MYO5A: variants seen among roughly 807,000 people sequenced by gnomAD.
MYO5A encodes the protein myosin VA.
A neutral mutation model predicts 249.7 loss-of-function variants in MYO5A; 98 were observed. That is an observed-to-expected ratio of 0.39 (90% CI 0.33 to 0.46). MYO5A has a LOEUF of 0.46. MYO5A is among the 20% of genes least tolerant of loss of function. The pLI is 0.98. For synonymous variants in MYO5A, 778 were observed against 810.6 expected, an observed-to-expected ratio of 0.96 and a Z score of 0.68; for missense variants, 1,696 against 2,308.8, an observed-to-expected ratio of 0.73 and a Z score of 5.44.
Position 52,327,992 on chromosome 15 carries a change from C to T in MYO5A, c.4570G>A (p.Gly1524Ser). Reference protein sequence around the residue: ...KNLILELKPRGVAVNLIPGLP... With the variant: ...KNLILELKPRSVAVNLIPGLP... The stretch of plus-strand genomic sequence containing the variant: ...CCTGGAATCAAATTGACTGCTACAC[C>T]ACGTGGCTTCAGTTCTAAAAAAGAA... Residue 1524 changes from glycine to serine, a missense_variant, in exon 36 of 42, where the codon GGT (glycine) becomes AGT (serine). Gly to Ser is a moderately conservative substitution (Grantham distance 56, BLOSUM62 0). Transcript: ENST00000399233. 6.2e-7 allele frequency: 1 copy of T among 1,613,206 alleles called. No homozygotes were observed. The highest frequency in any genetic ancestry group is 8.5e-7 in the Non-Finnish European group (1 of 1,179,454).
At chr15:52,418,134 T>C (rs1286445336) in intron 4 of MYO5A, among the ~76,000 whole-genome samples, 1 of 152,080 alleles carries the variant, frequency 6.6e-6, no homozygotes, top group Non-Finnish European at 1.5e-5. Flanking sequence ...AATCAGAAGT[T>C]TGGAAAGAGC....
At chr15:52,365,632 G>A (rs2040768236) in intron 23 of MYO5A, among the ~76,000 whole-genome samples, 1 of 152,226 alleles carries the variant, frequency 6.6e-6, no homozygotes, top group Non-Finnish European at 1.5e-5. Context: ...AGGGCTACAA[G>A]TGTCTTGTCA....
At chr15:52,478,028 G>T (rs1278037736) in intron 1 of MYO5A, among the ~76,000 whole-genome samples, 2 of 152,246 alleles carry the variant, frequency 1.3e-5, no homozygotes, top group African/African-American at 4.8e-5. Flanking sequence ...TACAGTGGCA[G>T]GCAGGCCTCC....
chr15:52,464,991 G>A lies in MYO5A; in HGVS notation c.28-31706C>T, dbSNP rs72623983. ...TATTAGGCAAATAGAGACTGTATTGGCCACACTGGGAGTCAGCTTTACCTA... is the reference window on the plus strand; with the variant it reads ...TATTAGGCAAATAGAGACTGTATTGACCACACTGGGAGTCAGCTTTACCTA... On this transcript the variant is annotated intron_variant, in intron 1 of 41. Transcript: ENST00000399233. Among the ~76,000 whole-genome samples, 398 of 152,272 alleles carry A rather than the reference G, an allele frequency of 2.6e-3. 9 individuals carry two copies. The East Asian group carries it at 0.069, about 26-fold the overall frequency.
intron 37 of MYO5A, among the ~76,000 whole-genome samples, chr15:52,321,950 C>T (rs914577051): frequency 6.6e-6 from 1 of 152,090 alleles, no homozygotes; most frequent in African/African-American, 2.4e-5. Context: ...TTGAAATAGA[C>T]CGATTTCTAC....
intron 24 of MYO5A, among the ~76,000 whole-genome samples, chr15:52,362,033 C>CT (rs35444663): frequency 0.066 from 10,090 of 152,256 alleles, 962 homozygotes; most frequent in East Asian, 0.47. Flanking sequence ...TCATCATTGG[C>CT]TTGAAACTCC....
chr15:52,481,353 T>C (rs141543355), intron 1 of MYO5A, among the ~76,000 whole-genome samples: 1 of 152,360 alleles, frequency 6.6e-6, no homozygotes, highest in Non-Finnish European at 1.5e-5. Flanking sequence ...CCCTAACTAA[T>C]TCTGTTTGGT....
Position 52,339,985 on chromosome 15 carries a change from G to C in MYO5A, c.4239+211C>G, listed in dbSNP as rs553758168. ...GCCTCCAGGGCAGGTCTAAGAGCAC[G>C]CAGCCCTCCGTGATAAAGAGAACCT... On this transcript the variant is annotated intron_variant, in intron 32 of 41. Transcript: ENST00000399233. Among the ~76,000 whole-genome samples, 3 of 152,312 alleles carry C rather than the reference G, an allele frequency of 2.0e-5. No homozygotes were observed. In the South Asian group the frequency reaches 6.2e-4, roughly 32 times the overall value.
chr15:52,433,172 C>T lies in MYO5A; in HGVS notation c.138+3G>A. On this transcript the variant is annotated splice_donor_region_variant and intron_variant, in intron 2 of 41. Coordinates refer to ENST00000399233, the MANE Select transcript of MYO5A (RefSeq NM_001382347.1). ...ATGACAACAAATGAAAGTGAGATCT[C>T]ACCTTTCCTTCCTCGAGGTGAAGCA... The T allele has an allele frequency of 6.3e-7, 1 of 1,592,196 alleles. No homozygotes were observed. The highest frequency in any genetic ancestry group is 8.6e-7 in the Non-Finnish European group (1 of 1,160,292).
chr15:52,460,216 C>T (rs1367552538), intron 1 of MYO5A, among the ~76,000 whole-genome samples: 1 of 138,738 alleles, frequency 7.2e-6, no homozygotes, highest in African/African-American at 2.7e-5. Context: ...GCGGCCAGGC[C>T]GAGACGCTCC....
At chr15:52,400,747 T>C (rs986424648) in intron 9 of MYO5A, among the ~76,000 whole-genome samples, 6 of 152,240 alleles carry the variant, frequency 3.9e-5, no homozygotes, top group African/African-American at 1.4e-4. Context: ...TGATATTGAT[T>C]GGTCTAAATA....
At chr15:52,524,744 T>C (rs1292494182) in intron 1 of MYO5A, among the ~76,000 whole-genome samples, 1 of 151,972 alleles carries the variant, frequency 6.6e-6, no homozygotes, top group Non-Finnish European at 1.5e-5. Flanking sequence ...GGTGCATAGC[T>C]GTGGTCCCAG....
In MYO5A at chr15:52,351,249, C is replaced by T. The variant is rs557727582; in HGVS notation, c.3849+5G>A. The stretch of plus-strand genomic sequence containing the variant: ...CACCCAGTTTAATTGTGTGCTTGCG[C>T]TTACCTTGGGTTGGATGGCCTCTTT... On this transcript the variant is annotated splice_donor_5th_base_variant and intron_variant, in intron 28 of 41. Coordinates refer to ENST00000399233, the MANE Select transcript of MYO5A (RefSeq NM_001382347.1). 6 of 1,613,298 alleles carry T rather than the reference C, an allele frequency of 3.7e-6. No homozygotes were observed. Among genetic ancestry groups the T allele is most frequent in the Non-Finnish European group, 5.1e-6 (6 of 1,179,488 alleles).
Position 52,375,402 on chromosome 15 carries a change from T to C in MYO5A, c.2479A>G (p.Met827Val), listed in dbSNP as rs767142691. The part of the protein sequence containing the change: ...AATIIQKYWR[M>V]YVVRRRYKIR... ...TTGTACCTCCTGCGGACCACATACATGCGCCAGTACTTTTGAATGATGGTT... is the reference window on the plus strand; with the variant it reads ...TTGTACCTCCTGCGGACCACATACACGCGCCAGTACTTTTGAATGATGGTT... Residue 827 changes from methionine (M) to valine (V), a missense_variant, in exon 20 of 42, where the codon ATG (methionine) becomes GTG (valine). This residue lies in a region of MYO5A where 412 missense variants were observed against 453.3 expected (regional missense o/e 0.91). Transcript: ENST00000399233. The C allele has an allele frequency of 1.2e-5, 20 of 1,614,100 alleles. No homozygotes were observed. The highest frequency in any genetic ancestry group is 1.5e-5 in the Non-Finnish European group (18 of 1,180,012).
rs1424234090 is a variant in MYO5A, at chr15:52,427,303, T to G, written c.310+1095A>C. ...AAACAAACAAACAAACAAAAAAGAC[T>G]AATCTTTACCCTCATGGAACTTAAA... On this transcript the variant is annotated intron_variant, in intron 3 of 41. Transcript: ENST00000399233. 6.6e-5 allele frequency among the ~76,000 whole-genome samples: 10 copies of G among 152,266 alleles called. No individual in the cohort carries two copies. In the South Asian group the frequency reaches 1.9e-3, roughly 28 times the overall value.
rs77981309 is a variant in MYO5A at position 52,353,567 on chromosome 15, C to T, written c.3621+38G>A. On this transcript the variant is annotated intron_variant, in intron 27 of 41. Transcript: ENST00000399233. ...GCTCTGAATGGGCCTCTTGCCAAAA[C>T]AAAATATTCAAAGTCTTGAGCAGAA... 253 of 1,596,526 alleles carry T rather than the reference C, an allele frequency of 1.6e-4. 2 individuals are homozygous for T. The African/African-American group carries it at 3.0e-3, about 19-fold the overall frequency.
rs10444827 is a variant in MYO5A, at chr15:52,375,001, T to G, written c.2577+303A>C. Among the ~76,000 whole-genome samples the G allele has an allele frequency of 0.052, 7,911 of 152,240 alleles. 249 individuals are homozygous for G. Among genetic ancestry groups the G allele is most frequent in the South Asian group, 0.094 (452 of 4,814 alleles). ...TTTAAAATGCATTTCAGGCTGGGCA[T>G]GTGCACAATGGCTCATACCTATAAT... On this transcript the variant is annotated intron_variant, in intron 20 of 41. Coordinates refer to ENST00000399233, the MANE Select transcript of MYO5A (RefSeq NM_001382347.1).
chr15:52,458,427 A>G (rs1054376725), intron 1 of MYO5A, among the ~76,000 whole-genome samples: 3 of 152,088 alleles, frequency 2.0e-5, no homozygotes, highest in Non-Finnish European at 4.4e-5. Context: ...AAAAAATACA[A>G]AAATTAGCCT....
At chr15:52,395,049 T>C (rs1396141999) in intron 11 of MYO5A, among the ~76,000 whole-genome samples, 1 of 152,178 alleles carries the variant, frequency 6.6e-6, no homozygotes, top group Non-Finnish European at 1.5e-5. Flanking sequence ...AATCAAACAG[T>C]CTAAAAGGTT....
Sources: gnomAD v4.1 joint callset for allele counts (sites outside exome capture counted in the v4.1 genomes callset) on GRCh38, gnomAD v4.1.1 for gene constraint, gnomAD v4.1.1 regional missense constraint, MANE v1.5 for transcripts, NCBI Gene and HGNC (gene_info 2026-07-23, HGNC 2026-07-21) for gene names.